The following PHACTR2 variants were observed in gnomAD, a reference collection of about 807,000 sequenced individuals.
PHACTR2 encodes phosphatase and actin regulator 2, also known as chromosome 6 open reading frame 56.
PHACTR2 carries 30 observed loss-of-function variants against 76.0 expected under a neutral mutation model. The ratio of observed to expected loss-of-function variants is 0.39; its 90% CI spans 0.30 to 0.54. PHACTR2 has a LOEUF of 0.54. PHACTR2 is among the 20% of genes least tolerant of loss of function. PHACTR2 has a pLI of 0.61. For missense variants in PHACTR2, 696 were observed against 781.1 expected (o/e 0.89, Z 1.30); for synonymous variants, 292 against 292.5 (o/e 1.00, Z 0.02).
chr6:143,639,253 A>G lies in PHACTR2; in HGVS notation c.13+30931A>G, dbSNP rs10484806. 0.029 allele frequency among the ~76,000 whole-genome samples: 4,488 copies of G among 152,346 alleles called. 87 individuals are homozygous for G. The highest frequency in any genetic ancestry group is 0.07 in the Admixed American group (1,074 of 15,294). ...AAGTACAGTCTGTCTTTCCAAAACAAATTAATGGTAAGATATACCTATAGC... is the reference window on the plus strand; with the variant it reads ...AAGTACAGTCTGTCTTTCCAAAACAGATTAATGGTAAGATATACCTATAGC... On this transcript the variant is annotated intron_variant, in intron 1 of 11. Coordinates refer to the PHACTR2 transcript ENST00000305766. The surrounding 1 kb of genome is among the most constrained non-coding windows in gnomAD (Gnocchi z 5.0).
chr6:143,744,535 G>A (rs932353274), intron 2 of PHACTR2, among the ~76,000 whole-genome samples: 6 of 152,132 alleles, frequency 3.9e-5, no homozygotes, highest in Non-Finnish European at 7.4e-5. Context: ...GTTCAGGGAA[G>A]GGACTTCCAC....
Position 143,596,139 on chromosome 6 carries a change from TA to T in PHACTR2, c.217+58933del, listed in dbSNP as rs1298838968. On this transcript the variant is annotated intron_variant, in intron 1 of 11. Transcript: ENST00000367584. This position sits in a 1 kb window ranked among gnomAD's most constrained non-coding sequence, Gnocchi z 4.6. ...TATCTCAAATGAATTACAGATATTTTATAGCACTATCCACATGTTAATTGAA... is the reference window on the plus strand; with the variant it reads ...TATCTCAAATGAATTACAGATATTTTTAGCACTATCCACATGTTAATTGAA... 6.6e-6 allele frequency among the ~76,000 whole-genome samples: 1 copy of T among 152,242 alleles called. No individual in the cohort carries two copies. Among genetic ancestry groups the T allele is most frequent in the African/African-American group, 2.4e-5 (1 of 41,464 alleles).
rs968172293 is a variant in PHACTR2 at position 143,761,661 on chromosome 6, G to A, written c.694+1021G>A. On this transcript the variant is annotated intron_variant, in intron 5 of 12. Coordinates refer to ENST00000440869, the MANE Select transcript of PHACTR2 (RefSeq NM_001100164.2). The surrounding 1 kb of genome is among the most constrained non-coding windows in gnomAD (Gnocchi z 5.2). ...CCCAGCTACTCAGGAGGCTGAGGCA[G>A]GAAAATCGCTTGAACCCAGGAGGCA... is the stretch of plus-strand genomic sequence containing the variant. Among the ~76,000 whole-genome samples the A allele has an allele frequency of 6.6e-6, 1 of 152,074 alleles. No homozygotes were observed. The highest frequency in any genetic ancestry group is 1.5e-5 in the Non-Finnish European group (1 of 68,016).
In PHACTR2 at chr6:143,772,226, A is replaced by AC; in HGVS notation, c.1233-31dup. 2 of 1,543,100 alleles carry AC rather than the reference A, an allele frequency of 1.3e-6. No homozygotes were observed. The highest frequency in any genetic ancestry group is 1.8e-6 in the Non-Finnish European group (2 of 1,115,700). ...GCCGCCAAGGGTTGCTCTGAGCTTC[A>AC]CATCACTCCCATGCTTTTCTGCCTT... On this transcript the variant is annotated intron_variant, in intron 6 of 12. Transcript: ENST00000440869. This position sits in a 1 kb window ranked among gnomAD's most constrained non-coding sequence, Gnocchi z 5.4.
chr6:143,737,241 T>TTA (rs576557121), intron 2 of PHACTR2, among the ~76,000 whole-genome samples: 23 of 151,404 alleles, frequency 1.5e-4, no homozygotes, highest in East Asian at 7.7e-4. Flanking sequence ...ATTATATATA[T>TTA]TATATATATG....
At position 143,550,074 on chromosome 6, in the gene PHACTR2, G is replaced by A. The variant is rs1452186534; in HGVS notation, c.217+12867G>A. On this transcript the variant is annotated intron_variant, in intron 1 of 11. Transcript: ENST00000367584. The surrounding 1 kb of genome is among the most constrained non-coding windows in gnomAD (Gnocchi z 4.8). Reference sequence around the variant, plus strand: ...CATCAGTGGACTACTCAAATCAAACGTAATGGCCTGCTGACCAGAGCTCCC... The same window carrying A: ...CATCAGTGGACTACTCAAATCAAACATAATGGCCTGCTGACCAGAGCTCCC... Among the ~76,000 whole-genome samples, 1 of 152,032 alleles carries A rather than the reference G, an allele frequency of 6.6e-6. No homozygotes were observed. Among genetic ancestry groups the A allele is most frequent in the African/African-American group, 2.4e-5 (1 of 41,430 alleles).
chr6:143,649,235 G>A (rs1229657175), intron 1 of PHACTR2, among the ~76,000 whole-genome samples: 1 of 152,108 alleles, frequency 6.6e-6, no homozygotes, highest in Non-Finnish European at 1.5e-5. Flanking sequence ...GGGATGGAGT[G>A]GATAAGGAGG....
chr6:143,630,629 TCAC>T (rs1776348883), intron 1 of PHACTR2, among the ~76,000 whole-genome samples: 1 of 152,208 alleles, frequency 6.6e-6, no homozygotes. Flanking sequence ...GGTAATGAAT[TCAC>T]TCATCCAACA....
chr6:143,817,766 C>G (rs1324643011), intron 12 of PHACTR2, among the ~76,000 whole-genome samples: 3 of 152,154 alleles, frequency 2.0e-5, no homozygotes, highest in Non-Finnish European at 4.4e-5. Flanking sequence ...AAGATAAACA[C>G]CACACATTCT....
At chr6:143,559,282 A>G (rs1172021821) in intron 1 of PHACTR2, among the ~76,000 whole-genome samples, 5 of 152,200 alleles carry the variant, frequency 3.3e-5, no homozygotes, top group Admixed American at 1.3e-4. Flanking sequence ...GTCAGCCCCA[A>G]CTGCATCTCT....
In PHACTR2 at chr6:143,549,978, G is replaced by A. The variant is rs1008562521; in HGVS notation, c.217+12771G>A. Among the ~76,000 whole-genome samples, 7 of 151,872 alleles carry A rather than the reference G, an allele frequency of 4.6e-5. No individual in the cohort carries two copies. Among genetic ancestry groups the A allele is most frequent in the Non-Finnish European group, 5.9e-5 (4 of 67,948 alleles). On this transcript the variant is annotated intron_variant, in intron 1 of 11. Transcript: ENST00000367584. This position sits in a 1 kb window ranked among gnomAD's most constrained non-coding sequence, Gnocchi z 4.2. Reference sequence around the variant, plus strand: ...ACAAAGGATGAAAACTGAGAGTCCCGGTCAGCTTACACCAGAAAGTGCCAA... The same window carrying A: ...ACAAAGGATGAAAACTGAGAGTCCCAGTCAGCTTACACCAGAAAGTGCCAA...
chr6:143,736,385 G>T (rs1448225930), intron 2 of PHACTR2, among the ~76,000 whole-genome samples: 2 of 151,908 alleles, frequency 1.3e-5, no homozygotes, highest in African/African-American at 4.8e-5. Flanking sequence ...CCTTGAGTTT[G>T]CATTCTTAAT....
chr6:143,598,123 T>C lies in PHACTR2; in HGVS notation c.217+60916T>C, dbSNP rs531716625. Among the ~76,000 whole-genome samples, 11 of 151,808 alleles carry C rather than the reference T, an allele frequency of 7.2e-5. No individual in the cohort carries two copies. The highest frequency in any genetic ancestry group is 1.3e-4 in the Non-Finnish European group (9 of 67,926). ...AAAAAAGAACCATATCTTAACCCCT[T>C]AAACCTGTGAATATGTTACTTTACA... is the stretch of plus-strand genomic sequence containing the variant. On this transcript the variant is annotated intron_variant, in intron 1 of 11. Transcript: ENST00000367584. The surrounding 1 kb of genome is among the most constrained non-coding windows in gnomAD (Gnocchi z 4.1).
Position 143,680,523 on chromosome 6 carries a change from C to G in PHACTR2, c.46+2314C>G, listed in dbSNP as rs1305004073. 1.3e-5 allele frequency among the ~76,000 whole-genome samples: 2 copies of G among 152,200 alleles called. No individual in the cohort carries two copies. Among genetic ancestry groups the G allele is most frequent in the African/African-American group, 2.4e-5 (1 of 41,536 alleles). On this transcript the variant is annotated intron_variant, in intron 1 of 12. Transcript: ENST00000440869. The surrounding 1 kb of genome is among the most constrained non-coding windows in gnomAD (Gnocchi z 4.5). ...ATAGGCTAGAAGTTAGCTTGCTTTCCCCGTTTTGACTTTAGGCTCTCTAGA... is the reference window on the plus strand; with the variant it reads ...ATAGGCTAGAAGTTAGCTTGCTTTCGCCGTTTTGACTTTAGGCTCTCTAGA...
At chr6:143,699,660 C>G (rs532056968) in intron 1 of PHACTR2, among the ~76,000 whole-genome samples, 1 of 152,298 alleles carries the variant, frequency 6.6e-6, no homozygotes, top group East Asian at 1.9e-4. Context: ...AAAGGTCTCT[C>G]CTCCAAATCT....
intron 11 of PHACTR2, among the ~76,000 whole-genome samples, chr6:143,790,936 C>G (rs1337282315): frequency 2.6e-5 from 4 of 152,328 alleles, no homozygotes; most frequent in Non-Finnish European, 4.4e-5. Context: ...CTCGGCCTCC[C>G]AAAGTGCTGG....
chr6:143,563,187 C>T (rs571629485), intron 1 of PHACTR2, among the ~76,000 whole-genome samples: 2 of 152,180 alleles, frequency 1.3e-5, no homozygotes, highest in East Asian at 3.9e-4. Flanking sequence ...AAAAAATTAG[C>T]AGTAAAGTGT....
At position 143,765,105 on chromosome 6, in the gene PHACTR2, A is replaced by C. The variant is rs769939895; in HGVS notation, c.695-156A>C. On this transcript the variant is annotated intron_variant, in intron 5 of 12. Transcript: ENST00000440869. The surrounding 1 kb of genome is among the most constrained non-coding windows in gnomAD (Gnocchi z 4.1). ...TGGAGGAAGGGAGGGGCAGAAGACAAGACTATTATCATGATTAGCCTATTT... is the reference window on the plus strand; with the variant it reads ...TGGAGGAAGGGAGGGGCAGAAGACACGACTATTATCATGATTAGCCTATTT... 6.6e-6 allele frequency among the ~76,000 whole-genome samples: 1 copy of C among 152,222 alleles called. No homozygotes were observed. The highest frequency in any genetic ancestry group is 2.4e-5 in the African/African-American group (1 of 41,474).
chr6:143,625,129 A>G lies in PHACTR2; in HGVS notation c.13+16807A>G, dbSNP rs1465851372. Reference sequence around the variant, plus strand: ...CAAGATTGCACCACTACACTCCAACATGGAGTGTAGAGACAGAATGAGACT... The same window carrying G: ...CAAGATTGCACCACTACACTCCAACGTGGAGTGTAGAGACAGAATGAGACT... On this transcript the variant is annotated intron_variant, in intron 1 of 11. Transcript: ENST00000305766. This position sits in a 1 kb window ranked among gnomAD's most constrained non-coding sequence, Gnocchi z 4.3. Among the ~76,000 whole-genome samples the G allele has an allele frequency of 6.6e-6, 1 of 151,958 alleles. No individual in the cohort carries two copies. The highest frequency in any genetic ancestry group is 1.5e-5 in the Non-Finnish European group (1 of 67,984).
Sources: gnomAD v4.1 joint callset for allele counts (sites outside exome capture counted in the v4.1 genomes callset) on GRCh38, gnomAD v4.1.1 for gene constraint, Gnocchi (gnomAD v3.1) non-coding constraint, MANE v1.5 for transcripts, NCBI Gene and HGNC (gene_info 2026-07-23, HGNC 2026-07-21) for gene names.